The following CBFA2T3 variants were observed in gnomAD, a reference collection of about 807,000 sequenced individuals.
The protein encoded by CBFA2T3 is transcriptional corepressor CBFA2T3.
Under a neutral mutation model 58.6 loss-of-function variants are expected in CBFA2T3, and 31 were observed. That is an observed-to-expected ratio of 0.53 (90% CI 0.40 to 0.71). CBFA2T3 has a LOEUF of 0.71. CBFA2T3 is among the 30% of genes least tolerant of loss of function. CBFA2T3 has a pLI of 0.00. For missense variants in CBFA2T3, 1,076 were observed against 963.1 expected (o/e 1.12, Z -1.55); for synonymous variants, 531 against 421.9 (o/e 1.26, Z -3.17).
At position 88,926,265 on chromosome 16, in the gene CBFA2T3, T is replaced by A. The variant is rs1351417192; in HGVS notation, c.152-24609A>T. 2.0e-5 allele frequency among the ~76,000 whole-genome samples: 3 copies of A among 152,302 alleles called. No individual in the cohort carries two copies. In the East Asian group the frequency reaches 5.8e-4, roughly 29 times the overall value. ...AGGCGAGGAGTGAATCTGGGTTCCG[T>A]GCAGGGAGTTCCAGCACCTAAAAGG... is the stretch of plus-strand genomic sequence containing the variant. On this transcript the variant is annotated intron_variant, in intron 1 of 11. Coordinates refer to ENST00000268679, the MANE Select transcript of CBFA2T3 (RefSeq NM_005187.6).
At chr16:88,952,052 CA>C (rs1285246137) in intron 1 of CBFA2T3, among the ~76,000 whole-genome samples, 1 of 152,234 alleles carries the variant, frequency 6.6e-6, no homozygotes, top group Admixed American at 6.5e-5. Context: ...TCCCCGGCCC[CA>C]GCAGCCCCAG....
In CBFA2T3 at chr16:88,953,552, G is replaced by A. The variant is rs1209040484; in HGVS notation, c.151+23105C>T. On this transcript the variant is annotated intron_variant, in intron 1 of 11. Coordinates refer to ENST00000268679, the MANE Select transcript of CBFA2T3 (RefSeq NM_005187.6). This position sits in a 1 kb window ranked among gnomAD's most constrained non-coding sequence, Gnocchi z 4.9. Reference sequence around the variant, plus strand: ...GCTGGGGTTGAGCAGTGGGGATCAGGATCTGGCAGGATCGGAATGTAGAGG... The same window carrying A: ...GCTGGGGTTGAGCAGTGGGGATCAGAATCTGGCAGGATCGGAATGTAGAGG... Among the ~76,000 whole-genome samples, 1 of 152,180 alleles carries A rather than the reference G, an allele frequency of 6.6e-6. No homozygotes were observed. The highest frequency in any genetic ancestry group is 1.5e-5 in the Non-Finnish European group (1 of 68,008).
In CBFA2T3 at chr16:88,888,350, C is replaced by T. The variant is rs187045655; in HGVS notation, c.712-2208G>A. On this transcript the variant is annotated intron_variant, in intron 5 of 11. Transcript: ENST00000268679. The stretch of plus-strand genomic sequence containing the variant: ...CAGCCCAGGCCACAGTCAGGAACAC[C>T]GAGGCCCAAGGGGACTGGCTGGGGG... Among the ~76,000 whole-genome samples, 1,151 of 146,182 alleles carry T rather than the reference C, an allele frequency of 7.9e-3. 19 individuals carry two copies. The highest frequency in any genetic ancestry group is 0.027 in the African/African-American group (1,057 of 39,092).
intron 11 of CBFA2T3, among the ~76,000 whole-genome samples, chr16:88,877,674 C>T (rs964038142): frequency 6.6e-6 from 1 of 152,102 alleles, no homozygotes; most frequent in Non-Finnish European, 1.5e-5. Context: ...CCCCTCCCCA[C>T]CTCTGCCCCA....
At chr16:88,964,912 CCAT>C (rs1231968716) in intron 1 of CBFA2T3, among the ~76,000 whole-genome samples, 5 of 3,024 alleles carry the variant, frequency 1.7e-3, no homozygotes, top group Non-Finnish European at 2.2e-3. Flanking sequence ...ATCCACTTAT[CCAT>C]CCATCCATCC....
chr16:88,919,506 T>C (rs60225120), intron 1 of CBFA2T3, among the ~76,000 whole-genome samples: 7,604 of 152,262 alleles, frequency 0.05, 454 homozygotes, highest in African/African-American at 0.14. Flanking sequence ...CCTCAGGCGC[T>C]GTCCCTACCG....
At chr16:88,924,781 G>A (rs1305124956) in intron 1 of CBFA2T3, among the ~76,000 whole-genome samples, 1 of 152,218 alleles carries the variant, frequency 6.6e-6, no homozygotes, top group Admixed American at 6.5e-5. Flanking sequence ...GGCCAAGCAG[G>A]TGCAGGAAAC....
At chr16:88,933,031 G>A (rs1223763425) in intron 1 of CBFA2T3, among the ~76,000 whole-genome samples, 1 of 152,146 alleles carries the variant, frequency 6.6e-6, no homozygotes, top group Non-Finnish European at 1.5e-5. Context: ...GGAGCTCGAG[G>A]GAGGTGACGG....
intron 1 of CBFA2T3, among the ~76,000 whole-genome samples, chr16:88,924,818 G>A (rs2142747450): frequency 6.6e-6 from 1 of 152,346 alleles, no homozygotes; most frequent in South Asian, 2.1e-4. Context: ...ACCCAATCAG[G>A]GGCTGTGAAG....
intron 5 of CBFA2T3, chr16:88,886,869 C>G (rs1969398992): frequency 1.3e-5 from 2 of 152,300 alleles, no homozygotes. Context: ...CGAAGGACGG[C>G]CCGGTGTACG....
In CBFA2T3 at chr16:88,875,748, C is replaced by T. The variant is rs1282340514; in HGVS notation, c.*1228G>A. 1 of 233,420 alleles carries T rather than the reference C, an allele frequency of 4.3e-6. No individual in the cohort carries two copies. The highest frequency in any genetic ancestry group is 8.5e-6 in the Non-Finnish European group (1 of 118,056). The allele number at this position is 233,420 out of a possible 1,614,324, so 14.5% of individuals were successfully genotyped here. ...TGCTCGAAAAGCAGTCGAGAATCAACCCAAAAGATTGTCACAGTTTTGTTT... is the reference window on the plus strand; with the variant it reads ...TGCTCGAAAAGCAGTCGAGAATCAATCCAAAAGATTGTCACAGTTTTGTTT... On this transcript the variant is annotated 3_prime_UTR_variant, in exon 12 of 12. Transcript: ENST00000268679.
At chr16:88,883,650 C>G (rs1185452919) in intron 7 of CBFA2T3, 1 of 152,032 alleles carries the variant, frequency 6.6e-6, no homozygotes, top group Non-Finnish European at 1.5e-5. Flanking sequence ...CAGTGGCCGA[C>G]TCTTCTGCGG....
At position 88,977,027 on chromosome 16, in the gene CBFA2T3, CG is replaced by C; in HGVS notation, c.-221del. 1 of 479,644 alleles carries C rather than the reference CG, an allele frequency of 2.1e-6. No individual in the cohort carries two copies. The highest frequency in any genetic ancestry group is 3.7e-6 in the Non-Finnish European group (1 of 268,514). 29.7% of individuals were successfully genotyped at this position (479,644 alleles called of 1,614,324 possible). A position where few individuals can be genotyped will look rare whatever the true frequency, so the allele number is the denominator to read the frequency against. ...GGTGGGAGCCCTGGGGCTCATGTGACGCGGGGCGGGCCTGGGGCTGCAGGCT... is the reference window on the plus strand; with the variant it reads ...GGTGGGAGCCCTGGGGCTCATGTGACCGGGGCGGGCCTGGGGCTGCAGGCT... On this transcript the variant is annotated 5_prime_UTR_variant, in exon 1 of 12. The change creates a premature stop within an existing upstream ORF in the 5' untranslated region. Transcript: ENST00000268679.
chr16:88,947,025 T>C (rs1052151013), intron 1 of CBFA2T3, among the ~76,000 whole-genome samples: 1 of 152,202 alleles, frequency 6.6e-6, no homozygotes, highest in South Asian at 2.1e-4. Context: ...TAGACGCAAG[T>C]CATATGCTTG....
chr16:88,949,870 C>A (rs1597781155), intron 1 of CBFA2T3, among the ~76,000 whole-genome samples: 1 of 149,976 alleles, frequency 6.7e-6, no homozygotes, highest in African/African-American at 2.5e-5. Flanking sequence ...ATTAGCTGGG[C>A]GTGGTGGTGG....
chr16:88,900,869 G>A (rs1253438894), intron 2 of CBFA2T3, among the ~76,000 whole-genome samples: 1 of 152,224 alleles, frequency 6.6e-6, no homozygotes, highest in Non-Finnish European at 1.5e-5. Flanking sequence ...GGCTCTGTGC[G>A]CCAAGCACGG....
chr16:88,909,478 G>A (rs1446132553), intron 1 of CBFA2T3, among the ~76,000 whole-genome samples: 2 of 151,998 alleles, frequency 1.3e-5, no homozygotes, highest in Non-Finnish European at 2.9e-5. Flanking sequence ...TACATCCCGG[G>A]TGACCCCGAC....
intron 1 of CBFA2T3, among the ~76,000 whole-genome samples, chr16:88,951,781 T>C (rs1032704102): frequency 1.3e-5 from 2 of 152,188 alleles, no homozygotes; most frequent in African/African-American, 4.8e-5. Context: ...GACCTCTTCT[T>C]TGATCTGCGT....
At chr16:88,964,367 C>G (rs1972443817) in intron 1 of CBFA2T3, among the ~76,000 whole-genome samples, 1 of 152,230 alleles carries the variant, frequency 6.6e-6, no homozygotes, top group Admixed American at 6.5e-5. Flanking sequence ...CTGGTGTTAG[C>G]CAGGCTGCCA....
Sources: allele counts gnomAD v4.1 joint callset (sites outside exome capture counted in the v4.1 genomes callset), GRCh38; gene constraint gnomAD v4.1.1; non-coding constraint Gnocchi (gnomAD v3.1); transcripts MANE v1.5; gene names NCBI Gene and HGNC (gene_info 2026-07-23, HGNC 2026-07-21).